The following NAALADL1 variants were observed in gnomAD, a reference collection of about 807,000 sequenced individuals.
NAALADL1 encodes the protein aminopeptidase NAALADL1.
In NAALADL1, 77 loss-of-function variants were observed where a neutral mutation model predicts 82.8. The ratio of observed to expected loss-of-function variants is 0.93; its 90% CI spans 0.77 to 1.12. The LOEUF (loss-of-function observed/expected upper bound fraction) is 1.12, where lower values mean the gene tolerates loss of function less well. NAALADL1 is among the 50% of genes most tolerant of loss of function. The pLI is 0.00. For missense variants in NAALADL1, 956 were observed against 964.0 expected (o/e 0.99, Z 0.11); for synonymous variants, 358 against 399.2 (o/e 0.90, Z 1.23).
At chr11:65,051,645 TC>T (rs1946892345) in intron 8 of NAALADL1, among the ~76,000 whole-genome samples, 1 of 152,090 alleles carries the variant, frequency 6.6e-6, no homozygotes, top group African/African-American at 2.4e-5. Flanking sequence ...AGGTCTCATT[TC>T]TGAACTGCGA....
chr11:65,047,689 C>T lies in NAALADL1; in HGVS notation c.1466G>A (p.Arg489Gln). ...CACCGGGCTGCTGCGGTTGAAGTAC[C>T]GGATCCAGTTGTCGTAGATGCTCAG... ...GDLSIYDNWI[R>Q]YFNRSSPVYG... The change falls in exon 12 of 18, where the codon CGG (arginine) becomes CAG (glutamine). Residue 489 changes from arginine to glutamine, a missense_variant. Coordinates refer to ENST00000358658, the MANE Select transcript of NAALADL1 (RefSeq NM_005468.3). 2 of 1,608,370 alleles carry T rather than the reference C, an allele frequency of 1.2e-6. No individual in the cohort carries two copies. Among genetic ancestry groups the T allele is most frequent in the Non-Finnish European group, 1.7e-6 (2 of 1,178,170 alleles).
At position 65,053,824 on chromosome 11, in the gene NAALADL1, G is replaced by A. The variant is rs79015580; in HGVS notation, c.993-248C>T. On this transcript the variant is annotated intron_variant, in intron 6 of 17. Transcript: ENST00000358658. This position sits in a 1 kb window ranked among gnomAD's most constrained non-coding sequence, Gnocchi z 4.3. ...GGTGACAGATGTGGACCTGGTTCTC[G>A]TGGGGCCTCCCTCTCCTGAGTGAGA... Among the ~76,000 whole-genome samples, 92 of 152,302 alleles carry A rather than the reference G, an allele frequency of 6.0e-4. No homozygotes were observed. Among genetic ancestry groups the A allele is most frequent in the Middle Eastern group, 3.4e-3 (1 of 294 alleles).
rs1947090669 is a variant in NAALADL1, at chr11:65,057,969, G to A, written c.386C>T (p.Ser129Phe). 4 of 1,614,052 alleles carry A rather than the reference G, an allele frequency of 2.5e-6. No homozygotes were observed. The highest frequency in any genetic ancestry group is 3.4e-6 in the Non-Finnish European group (4 of 1,180,020). The change falls in exon 3 of 18, where the codon TCC (serine) becomes TTC (phenylalanine). Residue 129 changes from serine (S) to phenylalanine (F), a missense_variant. Transcript: ENST00000358658. ...IVGPTGGIIH[S>F]CHRTEENVTG... ...CACGTTCTCCTCAGTCCGGTGGCAG[G>A]AGTGGATGATGCCCCCAGTGGGGCC... is the stretch of plus-strand genomic sequence containing the variant.
chr11:65,059,204 G>T (rs1947129776), upstream of NAALADL1, among the ~76,000 whole-genome samples: 1 of 152,000 alleles, frequency 6.6e-6, no homozygotes, highest in Non-Finnish European at 1.5e-5. Context: ...GTAGAGATGG[G>T]GTTTCACCAT....
chr11:65,047,915 C>G, intron 11 of NAALADL1, 66 bp downstream of exon 11: 1 of 1,175,944 alleles, frequency 8.5e-7, no homozygotes, highest in Non-Finnish European at 1.2e-6. Flanking sequence ...CCACCCGTAG[C>G]GGCCCCGTCC....
In NAALADL1 at chr11:65,048,192, C is replaced by T. The variant is rs530878520; in HGVS notation, c.1308G>A (p.Glu436=). ...CCACGTTGATGTAGGCCACCGTGCG[C>T]TCCTGCAGCTTGTTGAAGAACTCCT... is the stretch of plus-strand genomic sequence containing the variant. The part of the protein sequence containing the change: ...FTEEFFNKLQ[E]RTVAYINVDI... Residue 436 remains glutamate, a synonymous_variant, in exon 10 of 18, where the codon GAG becomes GAA. Coordinates refer to ENST00000358658, the MANE Select transcript of NAALADL1 (RefSeq NM_005468.3). The T allele has an allele frequency of 2.6e-5, 42 of 1,614,036 alleles. 1 individual carries two copies. The highest frequency in any genetic ancestry group is 2.5e-4 in the African/African-American group (19 of 75,006).
Position 65,054,602 on chromosome 11 carries a change from C to A in NAALADL1, c.740G>T (p.Gly247Val). 1 of 1,613,734 alleles carries A rather than the reference C, an allele frequency of 6.2e-7. No homozygotes were observed. The highest frequency in any genetic ancestry group is 1.3e-5 in the African/African-American group (1 of 75,008). Residue 247 changes from glycine to valine, a missense_variant, in exon 5 of 18, where the codon GGC (glycine) becomes GTC (valine). Physicochemically the swap from Gly to Val is moderately radical, Grantham distance 109. Coordinates refer to ENST00000358658, the MANE Select transcript of NAALADL1 (RefSeq NM_005468.3). The surrounding 1 kb of genome is among the most constrained non-coding windows in gnomAD (Gnocchi z 4.3). ...GTCCCCAAAATACTCGTAGTAGGAG[C>A]CTCGCTCCACTCCTGAGGGGGGCAG... is the stretch of plus-strand genomic sequence containing the variant. ...WYLPPSGVER[G>V]SYYEYFGDPL...
Position 65,046,332 on chromosome 11 carries a change from GT to G in NAALADL1, c.1711del (p.Thr571GlnfsTer5), listed in dbSNP as rs748701163. On this transcript the variant is annotated frameshift_variant, in exon 15 of 18. Coordinates refer to ENST00000358658, the MANE Select transcript of NAALADL1 (RefSeq NM_005468.3). LOFTEE classifies it high-confidence loss of function. ...GAGCCGGAGAATCACACTCCCCGCT[GT>G]CCGGGCCACAGCCTGATGGCTGCTG... Reference protein sequence around the residue: ...GFSSHQAVARTAGSVILRLSD... With the variant: ...GFSSHQAVARXAGSVILRLSD... 5 of 1,614,220 alleles carry G rather than the reference GT, an allele frequency of 3.1e-6. No homozygotes were observed. In the East Asian group the frequency reaches 1.1e-4, roughly 36 times the overall value.
At chr11:65,050,375 G>A (rs1036266538) in intron 8 of NAALADL1, among the ~76,000 whole-genome samples, 5 of 151,764 alleles carry the variant, frequency 3.3e-5, no homozygotes, top group Admixed American at 6.6e-5. Flanking sequence ...CTACTCGGGA[G>A]GGTGAGGCAG....
At position 65,053,313 on chromosome 11, in the gene NAALADL1, T is replaced by C; in HGVS notation, c.1103A>G (p.His368Arg). ...EPDRYVLYGN[H>R]RDSWVHGAVD... is the part of the protein sequence containing the mutation. ...AGCCCCGTGCACCCAGCTGTCTCGG[T>C]GGTTCCCATACAGCACGTAGCGATC... Residue 368 changes from histidine (H) to arginine (R), a missense_variant, in exon 8 of 18, where the codon CAC (histidine) becomes CGC (arginine). By Grantham distance (29) the His-to-Arg change is conservative (BLOSUM62 0). Coordinates refer to ENST00000358658, the MANE Select transcript of NAALADL1 (RefSeq NM_005468.3). This position sits in a 1 kb window ranked among gnomAD's most constrained non-coding sequence, Gnocchi z 4.3. 3.8e-6 allele frequency: 6 copies of C among 1,566,174 alleles called. No individual in the cohort carries two copies. The highest frequency in any genetic ancestry group is 5.2e-6 in the Non-Finnish European group (6 of 1,155,980).
chr11:65,051,405 C>T (rs1216591080), intron 8 of NAALADL1, among the ~76,000 whole-genome samples: 10 of 135,902 alleles, frequency 7.4e-5, no homozygotes, highest in Non-Finnish European at 1.1e-4. Flanking sequence ...AGTGTGATCA[C>T]GGCTTACTGC....
At chr11:65,046,952 C>G (rs115562746) in intron 13 of NAALADL1, among the ~76,000 whole-genome samples, 7 of 152,178 alleles carry the variant, frequency 4.6e-5, no homozygotes, top group Non-Finnish European at 7.4e-5. Context: ...CTGAGTTAAT[C>G]GATGCTGAGA....
Position 65,045,268 on chromosome 11 carries a change from G to C in NAALADL1, c.*3C>G. The C allele has an allele frequency of 6.2e-7, 1 of 1,602,778 alleles. No homozygotes were observed. Among genetic ancestry groups the C allele is most frequent in the Admixed American group, 1.7e-5 (1 of 58,860 alleles). ...AGGGAGGGCTGAAGAAAGAGGGCTG[G>C]GGTCAGAGGTCAGCCACAGGCCTCA... On this transcript the variant is annotated 3_prime_UTR_variant, in exon 18 of 18. Transcript: ENST00000358658.
chr11:65,057,399 C>A lies in NAALADL1; in HGVS notation c.575G>T (p.Arg192Leu). The A allele has an allele frequency of 6.2e-7, 1 of 1,614,048 alleles. No homozygotes were observed. The highest frequency in any genetic ancestry group is 8.5e-7 in the Non-Finnish European group (1 of 1,179,958). ...GGCCCCACGCCCTACACCCCCATAT[C>A]GAGTCAGGGCAATGGTGCCTTCAAG... is the stretch of plus-strand genomic sequence containing the variant. ...IKLEGTIALT[R>L]YGGVGRGAKA... The change falls in exon 4 of 18, where the codon CGA becomes CTA. Residue 192 changes from arginine (R) to leucine (L), a missense_variant. Arg to Leu is a moderately radical substitution (Grantham distance 102, BLOSUM62 -2). Transcript: ENST00000358658.
rs1946958357 is a variant in NAALADL1, at chr11:65,053,773, T to C, written c.993-197A>G. On this transcript the variant is annotated intron_variant, in intron 6 of 17. Transcript: ENST00000358658. The surrounding 1 kb of genome is among the most constrained non-coding windows in gnomAD (Gnocchi z 4.3). ...GGGTAGGTACTTATTGGGTACTTAG[T>C]CCCTGACTAGTCTCTGGGCAATGAC... is the stretch of plus-strand genomic sequence containing the variant. 6.6e-6 allele frequency among the ~76,000 whole-genome samples: 1 copy of C among 152,124 alleles called. No homozygotes were observed. The highest frequency in any genetic ancestry group is 6.5e-5 in the Admixed American group (1 of 15,280).
intron 1 of NAALADL1, 40 bp downstream of exon 1, chr11:65,058,297 G>A (rs767415117): frequency 6.2e-7 from 1 of 1,613,950 alleles, no homozygotes; most frequent in Non-Finnish European, 8.5e-7. Context: ...CAGGGAGGGG[G>A]CCTCTGGCAA....
rs141627571 is a variant in NAALADL1, at chr11:65,058,453, G to A, written c.69C>T (p.Leu23=). The change falls in exon 1 of 18, where the codon CTC becomes CTT. Residue 23 remains leucine (L), a synonymous_variant. Transcript: ENST00000358658. ...AAALLGLGII[L]GHFAIPKKAN... ...CTTTTTTGGGGATGGCAAAGTGGCC[G>A]AGGATGATCCCCAGCCCCAAGAGGG... The A allele has an allele frequency of 9.5e-5, 153 of 1,613,872 alleles. 1 individual carries two copies. The highest frequency in any genetic ancestry group is 6.6e-4 in the South Asian group (60 of 91,040).
chr11:65,054,017 G>A lies in NAALADL1; in HGVS notation c.992+233C>T, dbSNP rs902596113. ...AGAGAGGGAGTCGTGAGTTACAGACGTCAAGATGAGGTGGGAGGGGCAGGG... is the reference window on the plus strand; with the variant it reads ...AGAGAGGGAGTCGTGAGTTACAGACATCAAGATGAGGTGGGAGGGGCAGGG... On this transcript the variant is annotated intron_variant, in intron 6 of 17. Transcript: ENST00000358658. The surrounding 1 kb of genome is among the most constrained non-coding windows in gnomAD (Gnocchi z 4.3). Among the ~76,000 whole-genome samples, 17 of 152,232 alleles carry A rather than the reference G, an allele frequency of 1.1e-4. No homozygotes were observed. Among genetic ancestry groups the A allele is most frequent in the East Asian group, 5.8e-4 (3 of 5,182 alleles).
intron 8 of NAALADL1, among the ~76,000 whole-genome samples, chr11:65,050,619 A>C (rs1946861190): frequency 6.7e-6 from 1 of 150,154 alleles, no homozygotes; most frequent in East Asian, 2.0e-4. Context: ...GTAAAACCCC[A>C]TCTCTACTGA....
Sources: gnomAD v4.1 joint callset for allele counts (sites outside exome capture counted in the v4.1 genomes callset) on GRCh38, gnomAD v4.1.1 for gene constraint, Gnocchi (gnomAD v3.1) non-coding constraint, MANE v1.5 for transcripts, NCBI Gene and HGNC (gene_info 2026-07-23, HGNC 2026-07-21) for gene names.